SRRM3: variants seen among roughly 807,000 people sequenced by gnomAD.
SRRM3 encodes the protein serine/arginine repetitive matrix 3.
Under a neutral mutation model 66.2 loss-of-function variants are expected in SRRM3, and 27 were observed. The observed-to-expected ratio is 0.41, with a 90% confidence interval of 0.30 to 0.56. The LOEUF (loss-of-function observed/expected upper bound fraction) is 0.56, where lower values mean the gene tolerates loss of function less well. Among genes scored for constraint, SRRM3 ranks in the 20% least tolerant of loss-of-function variants. The pLI, the probability that SRRM3 is intolerant of heterozygous loss-of-function variation, is 0.32. For synonymous variants in SRRM3, 391 were observed against 414.9 expected (o/e 0.94, Z 0.70); for missense variants, 918 against 991.9 (o/e 0.93, Z 1.00).
At chr7:76,229,932 C>T (rs1012868984) in intron 1 of SRRM3, among the ~76,000 whole-genome samples, 5 of 151,992 alleles carry the variant, frequency 3.3e-5, no homozygotes, top group African/African-American at 4.8e-5. Context: ...TTAGTAGAGA[C>T]GGGGTTTCAC....
chr7:76,251,231 T>C (rs1801573507), intron 3 of SRRM3, among the ~76,000 whole-genome samples: 1 of 152,252 alleles, frequency 6.6e-6, no homozygotes, highest in African/African-American at 2.4e-5. Flanking sequence ...GGGTCCACTT[T>C]GATCAGCTCT....
chr7:76,237,322 G>A (rs1407789187), intron 2 of SRRM3, among the ~76,000 whole-genome samples: 5 of 152,184 alleles, frequency 3.3e-5, no homozygotes, highest in Admixed American at 1.3e-4. Flanking sequence ...CAGGAGAATC[G>A]CTTGAACCCG....
intron 2 of SRRM3, among the ~76,000 whole-genome samples, chr7:76,240,958 G>A (rs7789648): frequency 0.057 from 8,593 of 151,938 alleles, 524 homozygotes; most frequent in East Asian, 0.15. Context: ...GTGCAATGGC[G>A]CCATCTTGGC....
rs143278287 is a variant in SRRM3 at position 76,241,501 on chromosome 7, T to C, written c.233+6202T>C. On this transcript the variant is annotated intron_variant, in intron 2 of 14. Coordinates refer to ENST00000611745, the MANE Select transcript of SRRM3 (RefSeq NM_001110199.3). ...AGCTTCAGTTGCTACTATTTATTTA[T>C]TTACTTATTTATTTATTTTTGAGAC... 6.4e-3 allele frequency among the ~76,000 whole-genome samples: 976 copies of C among 152,166 alleles called. 10 individuals are homozygous for C. The highest frequency in any genetic ancestry group is 0.019 in the South Asian group (90 of 4,824).
chr7:76,237,145 C>T (rs556206843), intron 2 of SRRM3, among the ~76,000 whole-genome samples: 1 of 152,190 alleles, frequency 6.6e-6, no homozygotes, highest in East Asian at 1.9e-4. Context: ...CGGTGGCTCA[C>T]GCCTGCAATC....
chr7:76,260,794 C>A, intron 5 of SRRM3, 80 bp from the exon 6 acceptor site: 1 of 1,384,100 alleles, frequency 7.2e-7, no homozygotes, highest in African/African-American at 1.4e-5. Flanking sequence ...CCCTGTCCTG[C>A]GTGAGACCCT....
At chr7:76,273,901 G>A (rs1802272133) in intron 11 of SRRM3, among the ~76,000 whole-genome samples, 1 of 151,966 alleles carries the variant, frequency 6.6e-6, no homozygotes, top group South Asian at 2.1e-4. Context: ...CTCCATCCCT[G>A]ACTTCCACCC....
intron 11 of SRRM3, among the ~76,000 whole-genome samples, chr7:76,275,971 T>A (rs1256559057): frequency 6.6e-6 from 1 of 151,964 alleles, no homozygotes; most frequent in Non-Finnish European, 1.5e-5. Context: ...ACCCAGCTAC[T>A]GAGGAGGCTG....
intron 1 of SRRM3, among the ~76,000 whole-genome samples, chr7:76,215,670 C>T (rs1229722160): frequency 6.7e-6 from 1 of 148,554 alleles, no homozygotes; most frequent in East Asian, 1.9e-4. Context: ...TCTTGTCGCC[C>T]AGGCTGGAGT....
At chr7:76,205,336 A>C (rs1308965475) in intron 1 of SRRM3, among the ~76,000 whole-genome samples, 1 of 152,104 alleles carries the variant, frequency 6.6e-6, no homozygotes, top group African/African-American at 2.4e-5. Context: ...CAGCCTCCCA[A>C]GTAGCTGGGA....
Position 76,232,711 on chromosome 7 carries a change from A to G in SRRM3, c.-39-2317A>G, listed in dbSNP as rs553816880. Among the ~76,000 whole-genome samples, 5 of 152,200 alleles carry G rather than the reference A, an allele frequency of 3.3e-5. No individual in the cohort carries two copies. The South Asian group carries it at 8.3e-4, about 25-fold the overall frequency. On this transcript the variant is annotated intron_variant, in intron 1 of 14. Coordinates refer to ENST00000611745, the MANE Select transcript of SRRM3 (RefSeq NM_001110199.3). ...TCCCAGGAAAGGGCCTGGAGCCAAG[A>G]GAGGTAGAGGAGGATGTGTGTGGTG...
intron 11 of SRRM3, chr7:76,269,757 T>C (rs1283343561): frequency 1.5e-4 from 4 of 27,132 alleles, no homozygotes; most frequent in Non-Finnish European, 3.8e-4. Context: ...TTTTCCTTTC[T>C]TTTTTTTTTT....
intron 1 of SRRM3, among the ~76,000 whole-genome samples, chr7:76,231,383 C>T (rs1454246298): frequency 6.6e-6 from 1 of 152,240 alleles, no homozygotes; most frequent in Non-Finnish European, 1.5e-5. Flanking sequence ...GCTACCCAGG[C>T]GTTCTCCTAG....
At chr7:76,225,484 C>A (rs1554603648) in intron 1 of SRRM3, among the ~76,000 whole-genome samples, 1 of 151,784 alleles carries the variant, frequency 6.6e-6, no homozygotes, top group Non-Finnish European at 1.5e-5. Flanking sequence ...CCCCCCCGCC[C>A]CTTTCCCCGG....
In SRRM3 at chr7:76,283,058, C is replaced by T; in HGVS notation, c.1690C>T (p.Arg564Cys). The T allele has an allele frequency of 1.3e-6, 2 of 1,483,018 alleles. No homozygotes were observed. The highest frequency in any genetic ancestry group is 1.8e-6 in the Non-Finnish European group (2 of 1,127,972). 91.9% of individuals were successfully genotyped at this position (1,483,018 alleles called of 1,614,324 possible). A position where few individuals can be genotyped will look rare whatever the true frequency, so the allele number is the denominator to read the frequency against. Residue 564 changes from arginine to cysteine, a missense_variant, in exon 14 of 15, where the codon CGC (arginine) becomes TGC (cysteine). By Grantham distance (180) the Arg-to-Cys change is radical. Coordinates refer to ENST00000611745, the MANE Select transcript of SRRM3 (RefSeq NM_001110199.3). ...CAGCTACTCGCCCATCCGCAAGCGG[C>T]GCCGGGACTCGCCAAGCTTCATGGA... ...SRSYSPIRKR[R>C]RDSPSFMEPR...
chr7:76,264,961 G>T, intron 9 of SRRM3, 146 bp downstream of exon 9: 1 of 944,318 alleles, frequency 1.1e-6, no homozygotes, highest in Admixed American at 2.8e-5. Context: ...GAAAGCCAAG[G>T]GCTCTTGCTG....
intron 2 of SRRM3, among the ~76,000 whole-genome samples, chr7:76,235,690 A>AC (rs1275865371): frequency 6.6e-6 from 1 of 150,944 alleles, no homozygotes; most frequent in African/African-American, 2.4e-5. Flanking sequence ...ACATGGTGAA[A>AC]CCCCGTCTCT....
chr7:76,260,666 C>T (rs576531796), intron 5 of SRRM3, among the ~76,000 whole-genome samples: 4 of 152,070 alleles, frequency 2.6e-5, no homozygotes, highest in African/African-American at 9.6e-5. Context: ...GTGTTACCAG[C>T]ACCTGCTCCC....
Position 76,281,529 on chromosome 7 carries a change from C to G in SRRM3, c.1097C>G (p.Pro366Arg), listed in dbSNP as rs1802507555. The change falls in exon 12 of 15, where the codon CCG becomes CGG. Residue 366 changes from proline to arginine, a missense_variant. Transcript: ENST00000611745. The part of the protein sequence containing the change: ...PPARGKESPS[P>R]RSAPSSQGRG... ...GCGCGGGGGAAGGAGAGCCCGAGCC[C>G]GCGCTCGGCGCCGTCGTCCCAAGGT... 2 of 1,173,340 alleles carry G rather than the reference C, an allele frequency of 1.7e-6. No homozygotes were observed. The highest frequency in any genetic ancestry group is 4.2e-5 in the South Asian group (1 of 23,832). The allele number at this position is 1,173,340 out of a possible 1,614,324, so 72.7% of individuals were successfully genotyped here.
Sources: allele counts gnomAD v4.1 joint callset (sites outside exome capture counted in the v4.1 genomes callset), GRCh38; gene constraint gnomAD v4.1.1; transcripts MANE v1.5; gene names NCBI Gene and HGNC (gene_info 2026-07-23, HGNC 2026-07-21).